Variants in EPHB4 observed in about 807,000 individuals in gnomAD.
EPHB4 encodes the protein ephrin type-B receptor 4.
EPHB4 carries 50 observed loss-of-function variants against 110.6 expected under a neutral mutation model. That is an observed-to-expected ratio of 0.45 (90% CI 0.36 to 0.57). The LOEUF (loss-of-function observed/expected upper bound fraction) is 0.57. Ranked by LOEUF, EPHB4 falls within the 20% of genes least tolerant of loss-of-function variation. The pLI, the probability that EPHB4 is intolerant of heterozygous loss-of-function variation, is 0.00. For missense variants in EPHB4, 1,128 were observed against 1,382.1 expected, an observed-to-expected ratio of 0.82 and a Z score of 2.91; for synonymous variants, 592 against 578.4, an observed-to-expected ratio of 1.02 and a Z score of -0.34.
rs576241409 is a variant in EPHB4, at chr7:100,818,573, G to A, written c.1369C>T (p.Pro457Ser). Reference sequence around the variant, plus strand: ...AGCACAGCCCCACTGGGTGCCCGGGGAACAGCCCAGGCCAGGCTCAAGCTG... The same window carrying A: ...AGCACAGCCCCACTGGGTGCCCGGGAAACAGCCCAGGCCAGGCTCAAGCTG... ...PSSLSLAWAV[P>S]RAPSGAVLDY... Residue 457 changes from proline (P) to serine (S), a missense_variant, in exon 7 of 17, where the codon CCC becomes TCC. Physicochemically the swap from Pro to Ser is moderately conservative, Grantham distance 74. This residue lies in a region of EPHB4 where 728 missense variants were observed against 828.6 expected (regional missense o/e 0.88). Transcript: ENST00000358173. 3.7e-6 allele frequency: 6 copies of A among 1,613,892 alleles called. No individual in the cohort carries two copies. Among genetic ancestry groups the A allele is most frequent in the South Asian group, 1.1e-5 (1 of 91,084 alleles).
intron 11 of EPHB4, 48 bp downstream of exon 11, chr7:100,813,047 C>A (rs755748965): frequency 4.3e-6 from 7 of 1,612,054 alleles, no homozygotes; most frequent in Non-Finnish European, 5.1e-6. Context: ...TGTGGCCCTG[C>A]CCACCCCCGC....
In EPHB4 at chr7:100,822,166, C is replaced by T; in HGVS notation, c.808+105G>A. On this transcript the variant is annotated intron_variant, in intron 4 of 16. Transcript: ENST00000358173. The surrounding 1 kb of genome is among the most constrained non-coding windows in gnomAD (Gnocchi z 4.7). ...TGGGTGACAGAGCAAGCCTCCATTT[C>T]AACATCTAACTATACAAAATGGAAA... 1 of 1,408,086 alleles carries T rather than the reference C, an allele frequency of 7.1e-7. No homozygotes were observed. The highest frequency in any genetic ancestry group is 9.4e-7 in the Non-Finnish European group (1 of 1,068,152). The allele number at this position is 1,408,086 out of a possible 1,614,324, so 87.2% of individuals were successfully genotyped here. A position where few individuals can be genotyped will look rare whatever the true frequency, so the allele number is the denominator to read the frequency against.
intron 1 of EPHB4, 55 bp downstream of exon 1, chr7:100,826,924 T>C (rs1178282251): frequency 4.5e-5 from 69 of 1,518,350 alleles, no homozygotes; most frequent in Middle Eastern, 3.4e-4. Flanking sequence ...GCCCAGATGT[T>C]GGGGGGGAGG....
intron 3 of EPHB4, 133 bp downstream of exon 3, chr7:100,823,511 C>T (rs372813160): frequency 9.0e-6 from 11 of 1,226,550 alleles, no homozygotes; most frequent in Non-Finnish European, 1.2e-5. Flanking sequence ...CTCCCCAGAC[C>T]TAAGCCTCCT....
rs1249061502 is a variant in EPHB4, at chr7:100,817,281, C to T, written c.1499G>A (p.Gly500Glu). Residue 500 changes from glycine (G) to glutamate (E), a missense_variant, in exon 8 of 17, where the codon GGA becomes GAA. By Grantham distance (98) the Gly-to-Glu change is moderately conservative. This residue lies in a region of EPHB4 where 728 missense variants were observed against 828.6 expected (regional missense o/e 0.88). Coordinates refer to ENST00000358173, the MANE Select transcript of EPHB4 (RefSeq NM_004444.5). ...NRAELRGLKR[G>E]ASYLVQVRAR... The stretch of plus-strand genomic sequence containing the variant: ...CCGTACCTGCACCAGGTAGCTGGCT[C>T]CCCGCTTCAGCCCCCGCAGCTCTGC... 1.9e-6 allele frequency: 3 copies of T among 1,601,836 alleles called. No individual in the cohort carries two copies. Among genetic ancestry groups the T allele is most frequent in the East Asian group, 2.3e-5 (1 of 43,850 alleles).
In EPHB4 at chr7:100,817,302, T is replaced by C. The variant is rs773119233; in HGVS notation, c.1478A>G (p.Glu493Gly). The C allele has an allele frequency of 6.3e-7, 1 of 1,593,098 alleles. No homozygotes were observed. The highest frequency in any genetic ancestry group is 8.5e-7 in the Non-Finnish European group (1 of 1,170,716). Residue 493 changes from glutamate to glycine, a missense_variant, in exon 8 of 17, where the codon GAG (glutamate) becomes GGG (glycine). By Grantham distance (98) the Glu-to-Gly change is moderately conservative. This residue lies in a region of EPHB4 where 728 missense variants were observed against 828.6 expected (regional missense o/e 0.88). Transcript: ENST00000358173. ...GGCTCCCCGCTTCAGCCCCCGCAGC[T>C]CTGCCCGGTTTTCTGACGTCTTCAG... ...RFLKTSENRAELRGLKRGASY... is the reference protein window; with the variant it reads ...RFLKTSENRAGLRGLKRGASY...
chr7:100,822,450 G>C lies in EPHB4; in HGVS notation c.629C>G (p.Thr210Ser), dbSNP rs1295041959. ...LTVNLTRFPE[T>S]VPRELVVPVA... The stretch of plus-strand genomic sequence containing the variant: ...GGGCACAACCAGCTCCCGAGGCACA[G>C]TCTCCGGGAATCGAGTCAGGTTCAC... The change falls in exon 4 of 17, where the codon ACT (threonine) becomes AGT (serine). Residue 210 changes from threonine (T) to serine (S), a missense_variant. Coordinates refer to ENST00000358173, the MANE Select transcript of EPHB4 (RefSeq NM_004444.5). The surrounding 1 kb of genome is among the most constrained non-coding windows in gnomAD (Gnocchi z 4.7). 1 of 1,607,202 alleles carries C rather than the reference G, an allele frequency of 6.2e-7. No individual in the cohort carries two copies. Among genetic ancestry groups the C allele is most frequent in the Admixed American group, 1.7e-5 (1 of 59,700 alleles).
intron 1 of EPHB4, 119 bp downstream of exon 1, chr7:100,826,860 T>C: frequency 9.1e-7 from 1 of 1,104,768 alleles, no homozygotes; most frequent in Admixed American, 2.8e-5. Flanking sequence ...CCGAAGTGTT[T>C]GGGACTGCAG....
At position 100,805,535 on chromosome 7, in the gene EPHB4, C is replaced by T. The variant is rs34918225; in HGVS notation, c.2644G>A (p.Ala882Thr). The T allele has an allele frequency of 7.0e-4, 1,062 of 1,524,724 alleles. 6 individuals carry two copies. The African/African-American group carries it at 0.014, about 19-fold the overall frequency. 94.4% of individuals were successfully genotyped at this position (1,524,724 alleles called of 1,614,324 possible). The change falls in exon 15 of 17, where the codon GCC becomes ACC. Residue 882 changes from alanine to threonine, a missense_variant. Transcript: ENST00000358173. ...SALDKMIRNPASLKIVARENG... is the reference protein window; with the variant it reads ...SALDKMIRNPTSLKIVARENG... ...TCCCGGGCCACGATTTTGAGGCTGG[C>T]GGGGTTCCGGATCATCTTGTCCAGG...
chr7:100,817,711 T>C (rs1813112088), intron 7 of EPHB4, among the ~76,000 whole-genome samples: 2 of 151,750 alleles, frequency 1.3e-5, no homozygotes, highest in African/African-American at 2.4e-5. Flanking sequence ...CTATTTGTAG[T>C]AGAGACGGGG....
At chr7:100,815,452 A>G (rs578143915) in intron 8 of EPHB4, among the ~76,000 whole-genome samples, 37 of 152,304 alleles carry the variant, frequency 2.4e-4, no homozygotes, top group Non-Finnish European at 3.4e-4. Context: ...CAAGACAGAA[A>G]GTGGGTTAGT....
At chr7:100,815,307 A>AGC (rs1327672074) in intron 8 of EPHB4, among the ~76,000 whole-genome samples, 1 of 152,202 alleles carries the variant, frequency 6.6e-6, no homozygotes, top group African/African-American at 2.4e-5. Context: ...TGGGTGACAG[A>AGC]GCGAGACCCT....
Position 100,819,545 on chromosome 7 carries a change from C to T in EPHB4, c.1297+12G>A, listed in dbSNP as rs1813165360. 4 of 1,543,164 alleles carry T rather than the reference C, an allele frequency of 2.6e-6. No homozygotes were observed. Among genetic ancestry groups the T allele is most frequent in the Admixed American group, 1.9e-5 (1 of 52,348 alleles). On this transcript the variant is annotated intron_variant, in intron 6 of 16. Coordinates refer to ENST00000358173, the MANE Select transcript of EPHB4 (RefSeq NM_004444.5). ...CGCCAGACCACCAGCCGCCCCAGCC[C>T]CCAAGTCTCACCCTCTCGGTCAGTG...
chr7:100,811,305 C>A (rs567105688), intron 12 of EPHB4, among the ~76,000 whole-genome samples: 10 of 151,142 alleles, frequency 6.6e-5, no homozygotes, highest in African/African-American at 2.2e-4. Context: ...TCAGTAAAAT[C>A]TGGTAAAGTG....
Position 100,822,684 on chromosome 7 carries a change from G to C in EPHB4, c.412-17C>G. 1 of 1,531,944 alleles carries C rather than the reference G, an allele frequency of 6.5e-7. No homozygotes were observed. Among genetic ancestry groups the C allele is most frequent in the Non-Finnish European group, 8.8e-7 (1 of 1,135,354 alleles). 94.9% of individuals were successfully genotyped at this position (1,531,944 alleles called of 1,614,324 possible). ...CGTGTCCACCTGCCGGCGGGGGGGA[G>C]GCACACCGCTGCTGTCCCCACTCCC... On this transcript the variant is annotated splice_polypyrimidine_tract_variant and intron_variant, in intron 3 of 16. Coordinates refer to ENST00000358173, the MANE Select transcript of EPHB4 (RefSeq NM_004444.5). The surrounding 1 kb of genome is among the most constrained non-coding windows in gnomAD (Gnocchi z 4.7).
intron 1 of EPHB4, 55 bp downstream of exon 1, chr7:100,826,924 T>TG (rs1429888365): frequency 2.4e-5 from 36 of 1,518,384 alleles, no homozygotes; most frequent in Non-Finnish European, 1.9e-5. Context: ...GCCCAGATGT[T>TG]GGGGGGGAGG....
At chr7:100,820,033 C>T (rs2116451557) in intron 5 of EPHB4, 108 bp downstream of exon 5, 1 of 1,520,588 alleles carries the variant, frequency 6.6e-7, no homozygotes, top group Non-Finnish European at 8.8e-7. Context: ...GACAAGCATG[C>T]CAGGGACAAA....
rs1297123317 is a variant in EPHB4 at position 100,822,534 on chromosome 7, C to T, written c.545G>A (p.Gly182Asp). ...CAGGGATAGCAGGGCCATGCAGGCA[C>T]CCTGGTCCTGGAAGGCCAGGTAGAA... ...AGFYLAFQDQ[G>D]ACMALLSLHL... Residue 182 changes from glycine (G) to aspartate (D), a missense_variant, in exon 4 of 17, where the codon GGT (glycine) becomes GAT (aspartate). Gly to Asp is a moderately conservative substitution (Grantham distance 94). Around this residue, in one of 3 missense-constraint regions of EPHB4, gnomAD observed 728 missense variants for 828.6 expected, o/e 0.88. Coordinates refer to ENST00000358173, the MANE Select transcript of EPHB4 (RefSeq NM_004444.5). The surrounding 1 kb of genome is among the most constrained non-coding windows in gnomAD (Gnocchi z 4.7). 1 of 1,613,276 alleles carries T rather than the reference C, an allele frequency of 6.2e-7. No homozygotes were observed. The highest frequency in any genetic ancestry group is 8.5e-7 in the Non-Finnish European group (1 of 1,179,944).
intron 1 of EPHB4, 66 bp downstream of exon 1, chr7:100,826,913 G>C: frequency 6.6e-7 from 1 of 1,524,440 alleles, no homozygotes; most frequent in Non-Finnish European, 8.8e-7. Context: ...TCCACTCCGA[G>C]GCCCAGATGT....
Sources: gnomAD v4.1 joint callset for allele counts (sites outside exome capture counted in the v4.1 genomes callset) on GRCh38, gnomAD v4.1.1 for gene constraint, gnomAD v4.1.1 regional missense constraint, Gnocchi (gnomAD v3.1) non-coding constraint, MANE v1.5 for transcripts, NCBI Gene and HGNC (gene_info 2026-07-23, HGNC 2026-07-21) for gene names.